The following SLAIN2 variants were observed in gnomAD, a reference collection of about 807,000 sequenced individuals.
SLAIN2 encodes SLAIN motif-containing protein 2.
In SLAIN2, 31 loss-of-function variants were observed where a neutral mutation model predicts 56.6. That is an observed-to-expected ratio of 0.55 (90% CI 0.41 to 0.74). SLAIN2 has a LOEUF of 0.74. Ranked by LOEUF, SLAIN2 falls within the 30% of genes least tolerant of loss-of-function variation. SLAIN2 has a pLI of 0.00. For missense variants in SLAIN2, 777 were observed against 754.2 expected (o/e 1.03, Z -0.35); for synonymous variants, 317 against 284.9 (o/e 1.11, Z -1.13).
intron 6 of SLAIN2, among the ~76,000 whole-genome samples, chr4:48,419,372 G>A (rs1356560748): frequency 6.6e-6 from 1 of 152,146 alleles, no homozygotes; most frequent in African/African-American, 2.4e-5. Context: ...CCAAAGTGCT[G>A]GGATTACAGG....
chr4:48,344,675 A>G (rs2109729729), intron 1 of SLAIN2, among the ~76,000 whole-genome samples: 1 of 151,812 alleles, frequency 6.6e-6, no homozygotes, highest in Non-Finnish European at 1.5e-5. Context: ...GCTCTACAGC[A>G]GTCACTTTCA....
rs1218561532 is a variant in SLAIN2, at chr4:48,377,800, G to C, written c.539-96G>C. 140 of 1,127,342 alleles carry C rather than the reference G, an allele frequency of 1.2e-4. No individual in the cohort carries two copies. In the Middle Eastern group the frequency reaches 3.8e-3, roughly 31 times the overall value. 69.8% of individuals were successfully genotyped at this position (1,127,342 alleles called of 1,614,324 possible). ...AAGAATATTTCTTCATTTAAATTGA[G>C]ATAATGATTTAGTTTTCTAATAGGA... On this transcript the variant is annotated intron_variant, in intron 2 of 7. Transcript: ENST00000264313.
At position 48,362,889 on chromosome 4, in the gene SLAIN2, C is replaced by T. The variant is rs1715371707; in HGVS notation, c.390-6960C>T. ...AAGTGAACAAAGGTCTCTGGTTTTCCTAGGCAGAGGACCCTGCGGCCTTCC... is the reference window on the plus strand; with the variant it reads ...AAGTGAACAAAGGTCTCTGGTTTTCTTAGGCAGAGGACCCTGCGGCCTTCC... On this transcript the variant is annotated intron_variant, in intron 1 of 7. Coordinates refer to ENST00000264313, the MANE Select transcript of SLAIN2 (RefSeq NM_020846.2). Among the ~76,000 whole-genome samples the T allele has an allele frequency of 4.2e-5, 4 of 95,442 alleles. No individual in the cohort carries two copies. The South Asian group carries it at 1.7e-3, about 40-fold the overall frequency. 62.6% of individuals were successfully genotyped at this position (95,442 alleles called of 152,430 possible). A position where few individuals can be genotyped will look rare whatever the true frequency, so the allele number is the denominator to read the frequency against.
At chr4:48,358,514 T>A (rs1455100971) in intron 1 of SLAIN2, among the ~76,000 whole-genome samples, 2 of 151,922 alleles carry the variant, frequency 1.3e-5, no homozygotes, top group Non-Finnish European at 2.9e-5. Context: ...AGATGGGGTT[T>A]CTCCATGTTG....
At chr4:48,342,321 A>G (rs1577703942) in intron 1 of SLAIN2, among the ~76,000 whole-genome samples, 193 bp downstream of exon 1, 2 of 152,212 alleles carry the variant, frequency 1.3e-5, no homozygotes, top group Non-Finnish European at 2.9e-5. Flanking sequence ...CGCAAGTAAC[A>G]GGGTTGTAGC....
In SLAIN2 at chr4:48,422,019, C is replaced by T; in HGVS notation, c.1688C>T (p.Pro563Leu). The change falls in exon 8 of 8, where the codon CCA becomes CTA. Residue 563 changes from proline to leucine, a missense_variant. Coordinates refer to ENST00000264313, the MANE Select transcript of SLAIN2 (RefSeq NM_020846.2). ...KLAQPVRRSL[P>L]APKTYGSMKD... ...AAATTGCTTTATTACAGATCCTTGC[C>T]AGCTCCTAAAACCTATGGTAGCATG... The T allele has an allele frequency of 6.2e-7, 1 of 1,608,762 alleles. No individual in the cohort carries two copies. The highest frequency in any genetic ancestry group is 1.3e-5 in the African/African-American group (1 of 74,888).
At chr4:48,364,306 C>G (rs1009156614) in intron 1 of SLAIN2, among the ~76,000 whole-genome samples, 1 of 97,432 alleles carries the variant, frequency 1.0e-5, no homozygotes, top group African/African-American at 3.6e-5. Context: ...CTCCTCACTT[C>G]CTAGATGTGA....
intron 6 of SLAIN2, among the ~76,000 whole-genome samples, chr4:48,408,043 A>ACAC (rs1246187732): frequency 6.6e-6 from 1 of 152,160 alleles, no homozygotes; most frequent in East Asian, 1.9e-4. Flanking sequence ...TTGCTGCATA[A>ACAC]CAGAGTTTCA....
chr4:48,410,601 T>C (rs1450005355), intron 6 of SLAIN2, among the ~76,000 whole-genome samples: 1 of 152,206 alleles, frequency 6.6e-6, no homozygotes, highest in African/African-American at 2.4e-5. Flanking sequence ...TGGAGCTTTC[T>C]GCAGCCCTTC....
At chr4:48,380,619 G>A (rs762180546) in intron 4 of SLAIN2, among the ~76,000 whole-genome samples, 7 of 152,106 alleles carry the variant, frequency 4.6e-5, no homozygotes, top group East Asian at 1.9e-4. Flanking sequence ...ACTTGCCCTG[G>A]TACTCATCTG....
intron 1 of SLAIN2, among the ~76,000 whole-genome samples, chr4:48,360,320 G>C (rs1438663787): frequency 1.3e-5 from 2 of 151,922 alleles, no homozygotes; most frequent in Non-Finnish European, 2.9e-5. Context: ...GGCTGGGCAG[G>C]GTGGCTCATG....
intron 6 of SLAIN2, among the ~76,000 whole-genome samples, chr4:48,401,293 A>T (rs903659500): frequency 1.3e-5 from 2 of 152,114 alleles, no homozygotes; most frequent in African/African-American, 4.8e-5. Context: ...TATCAGGTCC[A>T]CTTAATTCAG....
At chr4:48,391,300 CA>C (rs886876148) in intron 6 of SLAIN2, among the ~76,000 whole-genome samples, 1 of 152,166 alleles carries the variant, frequency 6.6e-6, no homozygotes, top group African/African-American at 2.4e-5. Context: ...CCACCTGTAT[CA>C]GGGGAGACTT....
intron 1 of SLAIN2, among the ~76,000 whole-genome samples, chr4:48,363,918 G>A (rs1166572647): frequency 2.3e-5 from 2 of 86,174 alleles, no homozygotes; most frequent in Non-Finnish European, 3.3e-5. Flanking sequence ...CTGGCCAGGC[G>A]GGGGGCTGAC....
chr4:48,346,066 A>G (rs1305723177), intron 1 of SLAIN2, among the ~76,000 whole-genome samples: 1 of 152,246 alleles, frequency 6.6e-6, no homozygotes, highest in Non-Finnish European at 1.5e-5. Context: ...AGAATACTAC[A>G]TTACTATCAC....
In SLAIN2 at chr4:48,378,019, G is replaced by A. The variant is rs771757859; in HGVS notation, c.662G>A (p.Arg221Gln). ...AATTCTCCATCCTCAACCCCAGTGC[G>A]ACCTCCTATAGTCAAACAGCTTATA... ...GFNSPSSTPV[R>Q]PPIVKQLILP... Residue 221 changes from arginine (R) to glutamine (Q), a missense_variant, in exon 3 of 8, where the codon CGA (arginine) becomes CAA (glutamine). Physicochemically the swap from Arg to Gln is conservative, Grantham distance 43. Coordinates refer to ENST00000264313, the MANE Select transcript of SLAIN2 (RefSeq NM_020846.2). 1.2e-6 allele frequency: 2 copies of A among 1,613,722 alleles called. No homozygotes were observed. Among genetic ancestry groups the A allele is most frequent in the South Asian group, 1.1e-5 (1 of 91,084 alleles).
chr4:48,400,465 T>C (rs1219537258), intron 6 of SLAIN2, among the ~76,000 whole-genome samples: 1 of 149,388 alleles, frequency 6.7e-6, no homozygotes, highest in Non-Finnish European at 1.5e-5. Context: ...GGCATAATCT[T>C]GGCTCACTGC....
intron 6 of SLAIN2, among the ~76,000 whole-genome samples, chr4:48,387,134 G>A (rs1428178575): frequency 6.6e-6 from 1 of 151,952 alleles, no homozygotes; most frequent in Non-Finnish European, 1.5e-5. Flanking sequence ...CCTCATACAT[G>A]CTCTGTATTT....
chr4:48,379,558 A>G lies in SLAIN2; in HGVS notation c.704-132A>G, dbSNP rs148431632. On this transcript the variant is annotated intron_variant, in intron 3 of 7. Coordinates refer to ENST00000264313, the MANE Select transcript of SLAIN2 (RefSeq NM_020846.2). The stretch of plus-strand genomic sequence containing the variant: ...ATGAGGTCAATTTCTAATTTCAGGG[A>G]ATTTTTTAAGCAGAAAAGGCAGAAC... The G allele has an allele frequency of 4.6e-4, 361 of 782,274 alleles. 3 individuals carry two copies. The African/African-American group carries it at 5.5e-3, about 12-fold the overall frequency. 48.5% of individuals were successfully genotyped at this position (782,274 alleles called of 1,614,324 possible). A position where few individuals can be genotyped will look rare whatever the true frequency, so the allele number is the denominator to read the frequency against.
Sources: allele counts gnomAD v4.1 joint callset (sites outside exome capture counted in the v4.1 genomes callset), GRCh38; gene constraint gnomAD v4.1.1; transcripts MANE v1.5; gene names NCBI Gene and HGNC (gene_info 2026-07-23, HGNC 2026-07-21).